Variants in WWOX observed in about 807,000 individuals in gnomAD.
WWOX encodes the protein WW domain-containing oxidoreductase.
In WWOX, 69 loss-of-function variants were observed where a neutral mutation model predicts 46.2. That is an observed-to-expected ratio of 1.49 (90% confidence interval 1.23 to 1.82). The LOEUF is 1.82. Ranked by LOEUF, WWOX falls within the 40% of genes most tolerant of loss-of-function variation. The probability of loss-of-function intolerance (pLI) is 0.00; values close to 1 mark genes in which losing one functional copy is unlikely to be tolerated. For synonymous variants in WWOX, 359 were observed against 202.6 expected (o/e 1.77, Z -6.56); for missense variants, 919 against 542.6 (o/e 1.69, Z -6.89).
intron 8 of WWOX, among the ~76,000 whole-genome samples, chr16:79,011,750 C>A (rs972482904): frequency 6.6e-6 from 1 of 151,998 alleles, no homozygotes; most frequent in African/African-American, 2.4e-5. Context: ...GCTTTGGCCT[C>A]CCAAAGTGCT....
At chr16:78,393,778 T>A (rs2082228453) in intron 6 of WWOX, among the ~76,000 whole-genome samples, 1 of 152,172 alleles carries the variant, frequency 6.6e-6, no homozygotes, top group Non-Finnish European at 1.5e-5. Context: ...CTGTCACCGG[T>A]ATAATTTAAA....
chr16:78,370,179 G>C (rs1413433002), intron 5 of WWOX, among the ~76,000 whole-genome samples: 1 of 149,334 alleles, frequency 6.7e-6, no homozygotes. Context: ...CAGACAATCT[G>C]GGTGCATATC....
chr16:79,019,157 C>CAAA (rs903333994), intron 8 of WWOX, among the ~76,000 whole-genome samples: 508 of 24,540 alleles, frequency 0.021, 56 homozygotes, highest in African/African-American at 0.064. Flanking sequence ...GACCTTGTCT[C>CAAA]AAAAAAAAAA....
At chr16:78,163,973 G>C (rs2034882798) in intron 4 of WWOX, among the ~76,000 whole-genome samples, 3 of 152,082 alleles carry the variant, frequency 2.0e-5, no homozygotes. Flanking sequence ...GTAATGCCTG[G>C]TGTTTACCCA....
chr16:78,669,506 C>G (rs72796608), intron 8 of WWOX, among the ~76,000 whole-genome samples: 2 of 152,326 alleles, frequency 1.3e-5, no homozygotes, highest in African/African-American at 4.8e-5. Context: ...ATGGTGCTGA[C>G]TATCCTACAA....
Position 78,171,340 on chromosome 16 carries a change from GTGACT to G in WWOX, c.516+7053_516+7057del, listed in dbSNP as rs541830293. Among the ~76,000 whole-genome samples the G allele has an allele frequency of 2.6e-5, 4 of 152,246 alleles. No individual in the cohort carries two copies. In the South Asian group the frequency reaches 8.3e-4, roughly 32 times the overall value. On this transcript the variant is annotated intron_variant, in intron 5 of 8. Coordinates refer to ENST00000566780, the MANE Select transcript of WWOX (RefSeq NM_016373.4). ...CTACTTTTAGGCTCCTTAAAATTCA[GTGACT>G]TTATGAGCTGGTATAGCTTCACTGT...
At chr16:78,428,784 G>C (rs149678062) in intron 7 of WWOX, among the ~76,000 whole-genome samples, 2 of 152,300 alleles carry the variant, frequency 1.3e-5, no homozygotes, top group African/African-American at 4.8e-5. Flanking sequence ...GAGGCAGGAG[G>C]ATCCCTTGAG....
intron 5 of WWOX, among the ~76,000 whole-genome samples, chr16:78,183,245 G>A (rs373652940): frequency 1.3e-5 from 2 of 152,274 alleles, no homozygotes; most frequent in African/African-American, 4.8e-5. Context: ...CCCACTAGGG[G>A]TCTATGTGTG....
chr16:78,604,704 CT>C (rs2045703523), intron 8 of WWOX, among the ~76,000 whole-genome samples: 1 of 14,232 alleles, frequency 7.0e-5, no homozygotes, highest in Non-Finnish European at 1.2e-4. Flanking sequence ...TCCTTCCCCC[CT>C]CCCTCCTTCC....
At chr16:79,151,081 C>T (rs563150500) in intron 8 of WWOX, among the ~76,000 whole-genome samples, 28 of 152,190 alleles carry the variant, frequency 1.8e-4, no homozygotes, top group Non-Finnish European at 3.2e-4. Flanking sequence ...CTATGAAATA[C>T]GTAAAGCTAT....
rs1409942009 is a variant in WWOX, at chr16:78,575,074, T to A, written c.1056+142322T>A. ...ATATATATATATATATATATATATA[T>A]ATATATATATATATATATATATTTA... is the stretch of plus-strand genomic sequence containing the variant. On this transcript the variant is annotated intron_variant, in intron 8 of 8. Coordinates refer to ENST00000566780, the MANE Select transcript of WWOX (RefSeq NM_016373.4). Among the ~76,000 whole-genome samples, 32 of 29,382 alleles carry A rather than the reference T, an allele frequency of 1.1e-3. 1 individual carries two copies. Among genetic ancestry groups the A allele is most frequent in the East Asian group, 0.01 (5 of 478 alleles). The allele number at this position is 29,382 out of a possible 152,430, so 19.3% of individuals were successfully genotyped here. A position where few individuals can be genotyped will look rare whatever the true frequency, so the allele number is the denominator to read the frequency against.
At chr16:78,558,122 G>C (rs1217221348) in intron 8 of WWOX, among the ~76,000 whole-genome samples, 1 of 152,150 alleles carries the variant, frequency 6.6e-6, no homozygotes, top group Non-Finnish European at 1.5e-5. Flanking sequence ...GGCTTTCAGA[G>C]AGGTTTGCTT....
At chr16:78,355,519 T>C (rs2081266686) in intron 5 of WWOX, 1 of 380,468 alleles carries the variant, frequency 2.6e-6, no homozygotes, top group South Asian at 2.5e-5. Context: ...GAAGAATTAC[T>C]TGATGAAACA....
At position 78,130,617 on chromosome 16, in the gene WWOX, T is replaced by G. The variant is rs541766912; in HGVS notation, c.409+15463T>G. On this transcript the variant is annotated intron_variant, in intron 4 of 8. Coordinates refer to ENST00000566780, the MANE Select transcript of WWOX (RefSeq NM_016373.4). ...GGCACAGGCTATTTTCCATGGTCAG[T>G]TTACCTGCCTGCTTCCTGTAGAGGC... Among the ~76,000 whole-genome samples, 8 of 152,348 alleles carry G rather than the reference T, an allele frequency of 5.3e-5. No individual in the cohort carries two copies. In the South Asian group the frequency reaches 1.7e-3, roughly 32 times the overall value.
intron 1 of WWOX, among the ~76,000 whole-genome samples, chr16:78,100,397 C>T (rs1305553425): frequency 6.6e-6 from 1 of 152,138 alleles, no homozygotes; most frequent in Non-Finnish European, 1.5e-5. Flanking sequence ...GGACTACAAG[C>T]GTGCACTACT....
At chr16:78,446,079 G>C (rs2083554744) in intron 8 of WWOX, among the ~76,000 whole-genome samples, 1 of 152,204 alleles carries the variant, frequency 6.6e-6, no homozygotes. Flanking sequence ...GCGCAAAATA[G>C]AAATGCTAAT....
At chr16:78,139,415 G>T (rs755019216) in intron 4 of WWOX, among the ~76,000 whole-genome samples, 27 of 152,176 alleles carry the variant, frequency 1.8e-4, no homozygotes, top group Non-Finnish European at 3.1e-4. Context: ...GGAGGCCAAG[G>T]CAGGTGAATC....
chr16:78,578,020 A>G (rs1279631649), intron 8 of WWOX, among the ~76,000 whole-genome samples: 3 of 152,116 alleles, frequency 2.0e-5, no homozygotes, highest in Non-Finnish European at 2.9e-5. Flanking sequence ...GGAAAAAAGT[A>G]TACCGCCATT....
At chr16:78,458,104 T>A (rs923405655) in intron 8 of WWOX, among the ~76,000 whole-genome samples, 1 of 151,920 alleles carries the variant, frequency 6.6e-6, no homozygotes, top group Non-Finnish European at 1.5e-5. Flanking sequence ...TGACTTCTCA[T>A]CCTGGAGTTC....
Sources: allele counts gnomAD v4.1 joint callset (sites outside exome capture counted in the v4.1 genomes callset), GRCh38; gene constraint gnomAD v4.1.1; transcripts MANE v1.5; gene names NCBI Gene and HGNC (gene_info 2026-07-23, HGNC 2026-07-21).